The following APOL3 variants were observed in gnomAD, a reference collection of about 807,000 sequenced individuals.
The protein encoded by APOL3 is TNF-inducible protein CG12-1.
A neutral mutation model predicts 11.6 loss-of-function variants in APOL3; 14 were observed. The ratio of observed to expected loss-of-function variants is 1.21; its 90% CI spans 0.80 to 1.89. The LOEUF (loss-of-function observed/expected upper bound fraction) is 1.89. Ranked by LOEUF, APOL3 falls within the 40% of genes most tolerant of loss-of-function variation. APOL3 has a pLI of 0.00. For missense variants in APOL3, 483 were observed against 492.1 expected, an observed-to-expected ratio of 0.98 and a Z score of 0.17; for synonymous variants, 192 against 190.6, an observed-to-expected ratio of 1.01 and a Z score of -0.06.
intron 2 of APOL3, among the ~76,000 whole-genome samples, chr22:36,142,504 C>T (rs2060035122): frequency 1.3e-5 from 2 of 152,102 alleles, no homozygotes; most frequent in Non-Finnish European, 1.5e-5. Flanking sequence ...TGTCTTTGGG[C>T]CCTGGGAAGG....
At chr22:36,164,949 A>C (rs572644387), upstream of APOL3, 1 of 152,160 alleles carries the variant, frequency 6.6e-6, no homozygotes, top group Admixed American at 6.5e-5. Flanking sequence ...GCATGGAAAA[A>C]CCCTACTTTA....
intron 1 of APOL3, chr22:36,149,506 G>T: frequency 1.4e-6 from 1 of 723,796 alleles, no homozygotes; most frequent in Non-Finnish European, 2.1e-6. Flanking sequence ...CAACATGTGT[G>T]ATAACTAATT....
intron 1 of APOL3, among the ~76,000 whole-genome samples, chr22:36,147,689 A>T (rs927440682): frequency 6.6e-6 from 1 of 152,014 alleles, no homozygotes; most frequent in Admixed American, 6.6e-5. Context: ...TTTTGCTTTT[A>T]TTTTTTCCTC....
At chr22:36,162,517 A>T (rs984305164), upstream of APOL3, among the ~76,000 whole-genome samples, 1 of 152,192 alleles carries the variant, frequency 6.6e-6, no homozygotes, top group African/African-American at 2.4e-5. Flanking sequence ...ATCAGATGAC[A>T]TCGTCCTTTA....
At chr22:36,156,753 G>A (rs1240774492) in intron 1 of APOL3, 3 of 333,592 alleles carry the variant, frequency 9.0e-6, no homozygotes, top group African/African-American at 6.4e-5. Context: ...CTCTACCTCT[G>A]TGTGGCTCTT....
intron 1 of APOL3, among the ~76,000 whole-genome samples, chr22:36,148,354 G>A (rs1333868796): frequency 6.6e-6 from 1 of 152,254 alleles, no homozygotes; most frequent in Non-Finnish European, 1.5e-5. Flanking sequence ...AGGTAAAGGG[G>A]ATGGGAACCA....
chr22:36,149,984 AT>A (rs200989786), intron 1 of APOL3: 5,916 of 435,688 alleles, frequency 0.014, 292 homozygotes, highest in Admixed American at 0.1. Flanking sequence ...TTAAAAAAAA[AT>A]TTTTTTTAGA....
At chr22:36,164,023 A>AT (rs2013798208), upstream of APOL3, among the ~76,000 whole-genome samples, 1 of 152,196 alleles carries the variant, frequency 6.6e-6, no homozygotes, top group Non-Finnish European at 1.5e-5. Flanking sequence ...GGGTGAAATA[A>AT]TTTTTTATGC....
upstream of APOL3, chr22:36,165,589 T>A (rs537085212): frequency 6.6e-6 from 1 of 152,212 alleles, no homozygotes; most frequent in Non-Finnish European, 1.5e-5. Context: ...TTTCAAACGA[T>A]GCTCATTTGA....
exon 1 of APOL3, chr22:36,160,827 C>T (rs754262256): frequency 1.2e-6 from 2 of 1,611,434 alleles, no homozygotes; most frequent in South Asian, 1.1e-5. Flanking sequence ...CACAACTTGG[C>T]AGCAGCTCCT....
upstream of APOL3, among the ~76,000 whole-genome samples, chr22:36,161,147 G>C (rs994447015): frequency 4.6e-5 from 7 of 152,128 alleles, no homozygotes; most frequent in Non-Finnish European, 1.0e-4. Context: ...CACATGCCGG[G>C]TGGACGCTTA....
At chr22:36,141,710 A>G in exon 3 of APOL3, 1 of 1,614,066 alleles carries the variant, frequency 6.2e-7, no homozygotes, top group Non-Finnish European at 8.5e-7. Context: ...TGGTGATCCC[A>G]GTCACAGCAG....
chr22:36,142,679 G>T (rs1025391662), intron 2 of APOL3, among the ~76,000 whole-genome samples: 1 of 152,174 alleles, frequency 6.6e-6, no homozygotes, highest in Non-Finnish European at 1.5e-5. Flanking sequence ...TAGACCTCAG[G>T]GAGGGGCTGG....
intron 1 of APOL3, among the ~76,000 whole-genome samples, chr22:36,150,689 T>C (rs932014028): frequency 6.6e-6 from 1 of 152,100 alleles, no homozygotes; most frequent in African/African-American, 2.4e-5. Context: ...GCCAACATAG[T>C]GAAACCCTGT....
At chr22:36,160,961 G>C (rs1332076480), upstream of APOL3, 2 of 1,405,798 alleles carry the variant, frequency 1.4e-6, no homozygotes, top group South Asian at 1.2e-5. Flanking sequence ...GTCCTTCTTG[G>C]CCAACCCACC....
chr22:36,162,368 G>T (rs1227320853), upstream of APOL3, among the ~76,000 whole-genome samples: 4 of 152,134 alleles, frequency 2.6e-5, no homozygotes, highest in Admixed American at 2.6e-4. Flanking sequence ...TGTGCCCTCA[G>T]GTCACCCCAA....
At chr22:36,153,589 A>G (rs184109840) in intron 1 of APOL3, among the ~76,000 whole-genome samples, 2 of 152,342 alleles carry the variant, frequency 1.3e-5, no homozygotes, top group East Asian at 3.9e-4. Flanking sequence ...CTTGTGGGGA[A>G]CCAAATTCCC....
chr22:36,142,898 G>GT (rs1370521523), intron 2 of APOL3, among the ~76,000 whole-genome samples: 2 of 152,220 alleles, frequency 1.3e-5, no homozygotes, highest in African/African-American at 4.8e-5. Flanking sequence ...CCCCAAGGCA[G>GT]TTAGGGAGGG....
intron 1 of APOL3, among the ~76,000 whole-genome samples, chr22:36,152,464 T>C (rs1483489197): frequency 6.6e-6 from 1 of 152,226 alleles, no homozygotes; most frequent in East Asian, 1.9e-4. Context: ...ATAATTAATG[T>C]TCCATGGTAA....
Sources: gnomAD v4.1 joint callset for allele counts (sites outside exome capture counted in the v4.1 genomes callset) on GRCh38, gnomAD v4.1.1 for gene constraint, MANE v1.5 for transcripts, NCBI Gene and HGNC (gene_info 2026-07-23, HGNC 2026-07-21) for gene names.